The following SREBF2 variants were observed in gnomAD, a reference collection of about 807,000 sequenced individuals.
SREBF2 encodes the protein sterol regulatory element binding transcription factor 2.
Under a neutral mutation model 113.1 loss-of-function variants are expected in SREBF2, and 55 were observed. The observed-to-expected ratio is 0.49, with a 90% CI of 0.39 to 0.61. SREBF2 has a LOEUF of 0.61. SREBF2 is among the 20% of genes least tolerant of loss of function. The pLI, the probability that SREBF2 is intolerant of heterozygous loss-of-function variation, is 0.00. For missense variants in SREBF2, 1,349 were observed against 1,487.4 expected, an observed-to-expected ratio of 0.91 and a Z score of 1.53; for synonymous variants, 593 against 605.7, an observed-to-expected ratio of 0.98 and a Z score of 0.31.
At chr22:41,900,585 G>C in intron 16 of SREBF2, 87 bp downstream of exon 16, 1 of 1,397,636 alleles carries the variant, frequency 7.2e-7, no homozygotes, top group East Asian at 2.4e-5. Flanking sequence ...TGACCCTGCG[G>C]GTGGGGCCAT....
At chr22:41,881,036 C>T in intron 10 of SREBF2, 44 bp downstream of exon 10, 1 of 1,593,958 alleles carries the variant, frequency 6.3e-7, no homozygotes. Context: ...CAAGGCATCT[C>T]ATGCTACCTC....
chr22:41,880,858 G>C lies in SREBF2; in HGVS notation c.1904G>C (p.Arg635Pro). ...AGCCTGCAGAAGCTACGCCTGGTGC[G>C]CTGGCTGCTCAAGAAAGTCTTCCAG... is the stretch of plus-strand genomic sequence containing the variant. ...RYSLQKLRLV[R>P]WLLKKVFQCR... Residue 635 changes from arginine to proline, a missense_variant, in exon 10 of 19, where the codon CGC (arginine) becomes CCC (proline). Arg to Pro is a moderately radical substitution (Grantham distance 103). Coordinates refer to ENST00000361204, the MANE Select transcript of SREBF2 (RefSeq NM_004599.4). The C allele has an allele frequency of 6.2e-7, 1 of 1,613,958 alleles. No homozygotes were observed. The highest frequency in any genetic ancestry group is 8.5e-7 in the Non-Finnish European group (1 of 1,180,006).
At chr22:41,884,198 C>T (rs1404978946) in intron 10 of SREBF2, among the ~76,000 whole-genome samples, 1 of 152,068 alleles carries the variant, frequency 6.6e-6, no homozygotes, top group Non-Finnish European at 1.5e-5. Flanking sequence ...TGCAGTGGTG[C>T]GATCTCAGCT....
chr22:41,845,396 G>C (rs2076868758), intron 1 of SREBF2, among the ~76,000 whole-genome samples: 1 of 152,188 alleles, frequency 6.6e-6, no homozygotes, highest in Non-Finnish European at 1.5e-5. Context: ...GGTGGGAGAT[G>C]CCTTGATTCA....
At chr22:41,896,149 AAAAAG>A (rs1235743481) in intron 13 of SREBF2, among the ~76,000 whole-genome samples, 2 of 151,650 alleles carry the variant, frequency 1.3e-5, no homozygotes, top group Non-Finnish European at 1.5e-5. Flanking sequence ...TCAAAAAAAA[AAAAAG>A]AAAGGGGATG....
intron 3 of SREBF2, among the ~76,000 whole-genome samples, chr22:41,870,320 T>C (rs1471506666): frequency 1.3e-5 from 2 of 152,122 alleles, no homozygotes; most frequent in African/African-American, 4.8e-5. Context: ...TGAAAGTCTT[T>C]CAACCTAAAA....
At chr22:41,905,264 C>CG (rs2077497428) in intron 18 of SREBF2, among the ~76,000 whole-genome samples, 176 bp from the exon 19 acceptor site, 1 of 152,230 alleles carries the variant, frequency 6.6e-6, no homozygotes, top group Non-Finnish European at 1.5e-5. Flanking sequence ...AGCCCCACCA[C>CG]GGGCTGGCCG....
rs759405441 is a variant in SREBF2 at position 41,880,988 on chromosome 22, C to G, written c.2034C>G (p.Ile678Met). Residue 678 changes from isoleucine to methionine, a missense_variant, in exon 10 of 19, where the codon ATC becomes ATG. This residue lies in a region of SREBF2 where 650 missense variants were observed against 644.1 expected (regional missense o/e 1.01). Transcript: ENST00000361204. ...LAYHRLHQLH[I>M]TGKLPAGSAC... is the part of the protein sequence containing the mutation. ...ATCACCGGCTGCACCAGCTGCACAT[C>G]ACAGGTGAGGGGGCAGCTGCTGCTG... The G allele has an allele frequency of 6.2e-7, 1 of 1,606,888 alleles. No individual in the cohort carries two copies. The highest frequency in any genetic ancestry group is 8.5e-7 in the Non-Finnish European group (1 of 1,179,856).
intron 1 of SREBF2, among the ~76,000 whole-genome samples, chr22:41,858,948 C>T (rs2148364653): frequency 6.6e-6 from 1 of 152,118 alleles, no homozygotes; most frequent in East Asian, 1.9e-4. Flanking sequence ...TCGAGACCAG[C>T]CTGACCAACA....
chr22:41,868,220 G>GAAT (rs1488798176), intron 2 of SREBF2, among the ~76,000 whole-genome samples: 2 of 152,162 alleles, frequency 1.3e-5, no homozygotes, highest in Non-Finnish European at 2.9e-5. Context: ...ACAGGTGGGG[G>GAAT]AATGTAAAGG....
chr22:41,855,378 T>C (rs906136309), intron 1 of SREBF2, among the ~76,000 whole-genome samples: 1 of 151,940 alleles, frequency 6.6e-6, no homozygotes, highest in African/African-American at 2.4e-5. Flanking sequence ...ATACAAAAAT[T>C]AGCTGGGTGT....
Position 41,897,182 on chromosome 22 carries a change from C to A in SREBF2, c.2605+21C>A. The A allele has an allele frequency of 1.9e-6, 3 of 1,568,186 alleles. No individual in the cohort carries two copies. In the South Asian group the frequency reaches 3.4e-5, roughly 18 times the overall value. On this transcript the variant is annotated intron_variant, in intron 14 of 18. Coordinates refer to ENST00000361204, the MANE Select transcript of SREBF2 (RefSeq NM_004599.4). ...CCTGGGTAAGCACCTGCGGGTGGCC[C>A]ACAGTCTCAGGGTGCTCAGTTCAGG...
intron 1 of SREBF2, among the ~76,000 whole-genome samples, chr22:41,865,221 T>C (rs1182791734): frequency 6.6e-6 from 1 of 151,966 alleles, no homozygotes; most frequent in Non-Finnish European, 1.5e-5. Context: ...GGAATGGAGA[T>C]GGTTCCTTTT....
intron 1 of SREBF2, among the ~76,000 whole-genome samples, chr22:41,850,569 A>G (rs2076918871): frequency 6.6e-6 from 1 of 152,174 alleles, no homozygotes; most frequent in Non-Finnish European, 1.5e-5. Context: ...ATGAGCATAA[A>G]TGTAAAATCC....
intron 1 of SREBF2, among the ~76,000 whole-genome samples, chr22:41,866,472 C>T (rs1278410791): frequency 6.6e-6 from 1 of 152,172 alleles, no homozygotes. Flanking sequence ...ATCGCTTGAA[C>T]CCAGGAGGCA....
At position 41,867,088 on chromosome 22, in the gene SREBF2, G is replaced by T. The variant is rs751936882; in HGVS notation, c.346G>T (p.Val116Phe). Residue 116 changes from valine (V) to phenylalanine (F), a missense_variant, in exon 2 of 19, where the codon GTT (valine) becomes TTT (phenylalanine). By Grantham distance (50) the Val-to-Phe change is conservative. Transcript: ENST00000361204. The part of the protein sequence containing the change: ...SPQAPTLQVK[V>F]SPTSVPTTPR... ...ACAGGCTCCAACTCTGCAAGTCAAG[G>T]TTTCTCCCACCTCAGTTCCCACCAC... 5 of 1,614,080 alleles carry T rather than the reference G, an allele frequency of 3.1e-6. No homozygotes were observed. Among genetic ancestry groups the T allele is most frequent in the Non-Finnish European group, 4.2e-6 (5 of 1,180,024 alleles).
At chr22:41,871,422 A>G (rs992328453) in intron 4 of SREBF2, among the ~76,000 whole-genome samples, 21 of 152,204 alleles carry the variant, frequency 1.4e-4, no homozygotes, top group African/African-American at 4.8e-4. Context: ...GTAGGTTCTT[A>G]GCCACTTTCA....
intron 17 of SREBF2, among the ~76,000 whole-genome samples, chr22:41,904,131 G>A (rs1354505298): frequency 6.6e-6 from 1 of 152,126 alleles, no homozygotes; most frequent in African/African-American, 2.4e-5. Flanking sequence ...TCCTGCCTCG[G>A]CCTCCCAAAG....
chr22:41,900,566 ACCT>A, intron 16 of SREBF2, 68 bp downstream of exon 16: 1 of 1,513,838 alleles, frequency 6.6e-7, no homozygotes. Flanking sequence ...ACTCCCACTC[ACCT>A]CATGCTGACC....
Sources: allele counts gnomAD v4.1 joint callset (sites outside exome capture counted in the v4.1 genomes callset), GRCh38; gene constraint gnomAD v4.1.1; regional missense constraint gnomAD v4.1.1; transcripts MANE v1.5; gene names NCBI Gene and HGNC (gene_info 2026-07-23, HGNC 2026-07-21).